The following SESN2 variants were observed in gnomAD, a reference collection of about 807,000 sequenced individuals.
SESN2 encodes the protein sestrin 2.
In SESN2, 42 loss-of-function variants were observed where a neutral mutation model predicts 56.0. The observed-to-expected ratio is 0.75, with a 90% confidence interval of 0.59 to 0.97. SESN2 has a LOEUF of 0.97. SESN2 is among the 50% of genes least tolerant of loss of function. SESN2 has a pLI of 0.00. For missense variants in SESN2, 507 were observed against 649.4 expected, an observed-to-expected ratio of 0.78 and a Z score of 2.38; for synonymous variants, 264 against 267.1, an observed-to-expected ratio of 0.99 and a Z score of 0.11.
chr1:28,265,025 C>A (rs1647508172), intron 1 of SESN2, among the ~76,000 whole-genome samples: 2 of 152,190 alleles, frequency 1.3e-5, no homozygotes, highest in African/African-American at 4.8e-5. Flanking sequence ...TGCCTTCCTG[C>A]CTGAGTAGCC....
intron 1 of SESN2, among the ~76,000 whole-genome samples, chr1:28,265,355 C>T (rs1647520552): frequency 6.6e-6 from 1 of 152,130 alleles, no homozygotes; most frequent in Admixed American, 6.5e-5. Context: ...TACTCGCGTT[C>T]CCTCTGGCTG....
rs752545583 is a variant in SESN2 at position 28,259,931 on chromosome 1, C to T, written c.84C>T (p.Pro28=). Residue 28 remains proline (P), a synonymous_variant, in exon 1 of 10, where the codon CCC becomes CCT. Transcript: ENST00000253063. ...CGGGCGGCGTCGGCGACTCGGGCCCCGGAGAGGTAAGCGGCGGCCGCGCGA... is the reference window on the plus strand; with the variant it reads ...CGGGCGGCGTCGGCGACTCGGGCCCTGGAGAGGTAAGCGGCGGCCGCGCGA... ...FAPGGVGDSG[P]GEEQRESRAR... The T allele has an allele frequency of 2.1e-5, 31 of 1,495,644 alleles. No individual in the cohort carries two copies. The highest frequency in any genetic ancestry group is 2.1e-4 in the Middle Eastern group (1 of 4,822). 92.6% of individuals were successfully genotyped at this position (1,495,644 alleles called of 1,614,324 possible).
chr1:28,278,980 T>C lies in SESN2; in HGVS notation c.1212-117T>C. ...CAAGAGGAACTAGGCTTCTTGTTGC[T>C]TCTACCTTCTGATTTTTCTCAACAC... On this transcript the variant is annotated intron_variant, in intron 8 of 9. Coordinates refer to ENST00000253063, the MANE Select transcript of SESN2 (RefSeq NM_031459.5). The C allele has an allele frequency of 3.0e-6, 3 of 1,000,868 alleles. No homozygotes were observed. In the South Asian group the frequency reaches 4.4e-5, roughly 15 times the overall value. 62.0% of individuals were successfully genotyped at this position (1,000,868 alleles called of 1,614,324 possible). A position where few individuals can be genotyped will look rare whatever the true frequency, so the allele number is the denominator to read the frequency against.
intron 1 of SESN2, 55 bp downstream of exon 1, chr1:28,259,992 G>T (rs2657547): frequency 3.7e-6 from 5 of 1,336,292 alleles, no homozygotes; most frequent in Non-Finnish European, 4.0e-6. Flanking sequence ...CCGCGTCTGA[G>T]CCTCAGGCTG....
chr1:28,260,272 G>A (rs1647327599), intron 1 of SESN2, among the ~76,000 whole-genome samples: 1 of 151,896 alleles, frequency 6.6e-6, no homozygotes, highest in Non-Finnish European at 1.5e-5. Context: ...TCCGAGCTTT[G>A]GGCTCCTGAG....
chr1:28,274,711 T>G (rs1196631021), intron 7 of SESN2, 114 bp from the exon 8 acceptor site: 8 of 827,410 alleles, frequency 9.7e-6, no homozygotes, highest in African/African-American at 1.7e-5. Context: ...AGCAGCACGT[T>G]AGGTTTATGG....
rs1553172846 is a variant in SESN2 at position 28,276,532 on chromosome 1, T to TA, written c.1211+1518dup. 6.6e-5 allele frequency among the ~76,000 whole-genome samples: 10 copies of TA among 151,842 alleles called. No homozygotes were observed. The South Asian group carries it at 1.9e-3, about 28-fold the overall frequency. ...AATTATCCATTATACTATCTGCTGTTATTATTATCAGTTATCTCCTTCCTG... is the reference window on the plus strand; with the variant it reads ...AATTATCCATTATACTATCTGCTGTTAATTATTATCAGTTATCTCCTTCCTG... On this transcript the variant is annotated intron_variant, in intron 8 of 9. Coordinates refer to ENST00000253063, the MANE Select transcript of SESN2 (RefSeq NM_031459.5).
chr1:28,268,695 A>AGAAG (rs540690034), intron 1 of SESN2, among the ~76,000 whole-genome samples: 147 of 150,878 alleles, frequency 9.7e-4, no homozygotes, highest in Non-Finnish European at 1.8e-3. Context: ...AGAAGGAAGG[A>AGAAG]GAAGGAAGGA....
At chr1:28,270,649 G>A (rs970897349) in intron 2 of SESN2, among the ~76,000 whole-genome samples, 7 of 151,578 alleles carry the variant, frequency 4.6e-5, no homozygotes, top group African/African-American at 9.7e-5. Flanking sequence ...TTGGCTCACC[G>A]CAACCTCTGC....
intron 1 of SESN2, among the ~76,000 whole-genome samples, chr1:28,268,146 G>C (rs943966587): frequency 6.6e-6 from 1 of 152,190 alleles, no homozygotes; most frequent in Non-Finnish European, 1.5e-5. Context: ...CTGGGTAGAG[G>C]ATGGATAGGA....
At chr1:28,262,960 C>T (rs1440177277) in intron 1 of SESN2, among the ~76,000 whole-genome samples, 3 of 152,042 alleles carry the variant, frequency 2.0e-5, no homozygotes, top group Non-Finnish European at 4.4e-5. Context: ...CTTTCTCAGA[C>T]ATCATTTCTT....
At chr1:28,278,247 G>A (rs1449016261) in intron 8 of SESN2, among the ~76,000 whole-genome samples, 1 of 152,012 alleles carries the variant, frequency 6.6e-6, no homozygotes, top group Non-Finnish European at 1.5e-5. Context: ...AGTGGTTATG[G>A]CCCCTGAGCT....
At chr1:28,272,885 C>T in intron 5 of SESN2, 92 bp downstream of exon 5, 1 of 686,704 alleles carries the variant, frequency 1.5e-6, no homozygotes. Flanking sequence ...CTCGTATCTG[C>T]ACTACCTGCT....
At chr1:28,259,994 C>T (rs1467251759) in intron 1 of SESN2, 57 bp downstream of exon 1, 1 of 1,328,654 alleles carries the variant, frequency 7.5e-7, no homozygotes, top group South Asian at 1.3e-5. Context: ...GCGTCTGAGC[C>T]TCAGGCTGTC....
At chr1:28,265,575 A>G (rs1647528472) in intron 1 of SESN2, among the ~76,000 whole-genome samples, 1 of 152,102 alleles carries the variant, frequency 6.6e-6, no homozygotes, top group Admixed American at 6.5e-5. Context: ...TTGTATTTTT[A>G]GTAGAGACGG....
At chr1:28,260,476 G>A (rs1647336363) in intron 1 of SESN2, among the ~76,000 whole-genome samples, 1 of 152,138 alleles carries the variant, frequency 6.6e-6, no homozygotes, top group African/African-American at 2.4e-5. Context: ...CTCATCCTAT[G>A]TCCACCGCAC....
In SESN2 at chr1:28,259,817, G is replaced by A. The variant is rs974024127; in HGVS notation, c.-31G>A. On this transcript the variant is annotated 5_prime_UTR_variant, in exon 1 of 10. Coordinates refer to ENST00000253063, the MANE Select transcript of SESN2 (RefSeq NM_031459.5). ...AACCCACTCGGGTGCACGGGTCGTC[G>A]GCGAGCCGCGACCGGGTCCTGGCGC... 2.6e-5 allele frequency: 36 copies of A among 1,365,602 alleles called. No individual in the cohort carries two copies. Among genetic ancestry groups the A allele is most frequent in the Non-Finnish European group, 3.4e-5 (36 of 1,059,510 alleles). The allele number at this position is 1,365,602 out of a possible 1,614,324, so 84.6% of individuals were successfully genotyped here.
intron 2 of SESN2, among the ~76,000 whole-genome samples, chr1:28,269,762 G>A (rs1647693070): frequency 6.6e-6 from 1 of 151,884 alleles, no homozygotes; most frequent in Non-Finnish European, 1.5e-5. Flanking sequence ...ACAGAACCAA[G>A]GTCATAGTTT....
rs147643685 is a variant in SESN2 at position 28,272,649 on chromosome 1, C to T, written c.606C>T (p.Thr202=). The change falls in exon 5 of 10, where the codon ACC becomes ACT. Residue 202 remains threonine, a synonymous_variant. Coordinates refer to ENST00000253063, the MANE Select transcript of SESN2 (RefSeq NM_031459.5). The stretch of plus-strand genomic sequence containing the variant: ...TCATTCAGGCTCTGGTCCTGCTCAC[C>T]CACTGCCACTCGCTCTCCTCCTTCG... The part of the protein sequence containing the change: ...AELIQALVLL[T]HCHSLSSFVF... 7.6e-5 allele frequency: 123 copies of T among 1,614,024 alleles called. No individual in the cohort carries two copies. Among genetic ancestry groups the T allele is most frequent in the Non-Finnish European group, 9.9e-5 (117 of 1,180,028 alleles).
Sources: gnomAD v4.1 joint callset for allele counts (sites outside exome capture counted in the v4.1 genomes callset) on GRCh38, gnomAD v4.1.1 for gene constraint, MANE v1.5 for transcripts, NCBI Gene and HGNC (gene_info 2026-07-23, HGNC 2026-07-21) for gene names.